Variants in CNTNAP2 observed in about 807,000 individuals in gnomAD.
The protein encoded by CNTNAP2 is contactin associated protein 2.
Under a neutral mutation model 155.2 loss-of-function variants are expected in CNTNAP2, and 98 were observed. That is an observed-to-expected ratio of 0.63 (90% CI 0.54 to 0.75). The LOEUF is 0.75. CNTNAP2 is among the 30% of genes least tolerant of loss of function. The pLI, the probability that CNTNAP2 is intolerant of heterozygous loss-of-function variation, is 0.00. For synonymous variants in CNTNAP2, 651 were observed against 631.2 expected (o/e 1.03, Z -0.47); for missense variants, 1,727 against 1,688.1 (o/e 1.02, Z -0.40).
chr7:148,102,934 G>C (rs1354584772), intron 15 of CNTNAP2, among the ~76,000 whole-genome samples: 1 of 152,132 alleles, frequency 6.6e-6, no homozygotes, highest in East Asian at 1.9e-4. Context: ...GGCATAGCTT[G>C]GTTTTATACA....
intron 1 of CNTNAP2, among the ~76,000 whole-genome samples, chr7:146,566,623 G>A (rs1798360834): frequency 6.6e-6 from 1 of 151,980 alleles, no homozygotes; most frequent in African/African-American, 2.4e-5. Flanking sequence ...CTTGAACCCG[G>A]GAGGCGGAGG....
Position 147,666,139 on chromosome 7 carries a change from A to C in CNTNAP2, c.2098+26833A>C, listed in dbSNP as rs185943531. ...AAAAGAGAAATATTACCTTTAGCAAAACAATCAGAAATGAGATATCAAAAA... is the reference window on the plus strand; with the variant it reads ...AAAAGAGAAATATTACCTTTAGCAACACAATCAGAAATGAGATATCAAAAA... On this transcript the variant is annotated intron_variant, in intron 13 of 23. Coordinates refer to ENST00000361727, the MANE Select transcript of CNTNAP2 (RefSeq NM_014141.6). Among the ~76,000 whole-genome samples, 67 of 152,318 alleles carry C rather than the reference A, an allele frequency of 4.4e-4. No individual in the cohort carries two copies. The East Asian group carries it at 9.6e-3, about 22-fold the overall frequency.
chr7:146,596,954 A>G (rs2129150660), intron 1 of CNTNAP2, among the ~76,000 whole-genome samples: 1 of 152,200 alleles, frequency 6.6e-6, no homozygotes, highest in African/African-American at 2.4e-5. Context: ...CCCACTGCCT[A>G]ATATGTAGGG....
intron 1 of CNTNAP2, among the ~76,000 whole-genome samples, chr7:146,507,436 T>C (rs1314390563): frequency 1.3e-5 from 2 of 152,212 alleles, no homozygotes; most frequent in African/African-American, 2.4e-5. Flanking sequence ...AGAAAAGCCA[T>C]CTCAGCCTCA....
chr7:147,387,913 G>A (rs1796650088), intron 9 of CNTNAP2, among the ~76,000 whole-genome samples: 1 of 151,998 alleles, frequency 6.6e-6, no homozygotes, highest in South Asian at 2.1e-4. Flanking sequence ...GATATGCCTT[G>A]CCTGAATTAA....
At chr7:147,532,987 C>T (rs1366981714) in intron 11 of CNTNAP2, among the ~76,000 whole-genome samples, 1 of 152,026 alleles carries the variant, frequency 6.6e-6, no homozygotes, top group Admixed American at 6.6e-5. Flanking sequence ...TAATATGATT[C>T]CTGAAGTAGT....
At chr7:147,232,403 C>A (rs558836174) in intron 8 of CNTNAP2, among the ~76,000 whole-genome samples, 1 of 152,132 alleles carries the variant, frequency 6.6e-6, no homozygotes, top group African/African-American at 2.4e-5. Flanking sequence ...TGGGAAATAA[C>A]AAAGCTGGAG....
intron 15 of CNTNAP2, among the ~76,000 whole-genome samples, chr7:148,107,425 T>G (rs1229814169): frequency 6.6e-6 from 1 of 152,194 alleles, no homozygotes; most frequent in Non-Finnish European, 1.5e-5. Context: ...TCATTTTGTG[T>G]TGCAGCCGTG....
At chr7:147,250,742 T>C (rs1804179275) in intron 8 of CNTNAP2, among the ~76,000 whole-genome samples, 1 of 152,106 alleles carries the variant, frequency 6.6e-6, no homozygotes, top group Non-Finnish European at 1.5e-5. Flanking sequence ...CCTTGTATCA[T>C]CTACATCACT....
intron 8 of CNTNAP2, among the ~76,000 whole-genome samples, chr7:147,155,640 C>T (rs377669055): frequency 6.6e-6 from 1 of 152,094 alleles, no homozygotes; most frequent in East Asian, 1.9e-4. Context: ...CAATATTGTA[C>T]ACAATTAAGC....
chr7:146,979,412 A>G (rs1370290132), intron 3 of CNTNAP2, among the ~76,000 whole-genome samples: 1 of 152,136 alleles, frequency 6.6e-6, no homozygotes, highest in Non-Finnish European at 1.5e-5. Context: ...TCCAGATCGC[A>G]TCTCAAATTG....
intron 13 of CNTNAP2, among the ~76,000 whole-genome samples, chr7:147,737,144 C>A (rs890581574): frequency 6.6e-6 from 1 of 152,102 alleles, no homozygotes; most frequent in Non-Finnish European, 1.5e-5. Flanking sequence ...TTTTCCCCAT[C>A]TTTGTGGTTT....
intron 3 of CNTNAP2, among the ~76,000 whole-genome samples, chr7:146,842,139 G>A (rs922013815): frequency 6.6e-6 from 1 of 151,990 alleles, no homozygotes; most frequent in South Asian, 2.1e-4. Flanking sequence ...TACTTGCCTT[G>A]GCCTCTCAAA....
intron 1 of CNTNAP2, among the ~76,000 whole-genome samples, chr7:146,300,399 G>T (rs1168431832): frequency 1.3e-5 from 2 of 152,058 alleles, no homozygotes; most frequent in Admixed American, 6.6e-5. Flanking sequence ...GGTACTCTTG[G>T]ATAAATGATT....
chr7:147,420,892 G>A (rs755068830), intron 10 of CNTNAP2, among the ~76,000 whole-genome samples: 3 of 152,060 alleles, frequency 2.0e-5, no homozygotes, highest in South Asian at 2.1e-4. Context: ...TCTAGTCCTC[G>A]GAGAATACAA....
chr7:146,528,125 T>C (rs1272628886), intron 1 of CNTNAP2, among the ~76,000 whole-genome samples: 1 of 152,146 alleles, frequency 6.6e-6, no homozygotes, highest in Non-Finnish European at 1.5e-5. Flanking sequence ...TTTACTCGGT[T>C]TGAGGTTTCT....
chr7:147,148,194 T>A (rs928698690), intron 8 of CNTNAP2, among the ~76,000 whole-genome samples: 5 of 151,392 alleles, frequency 3.3e-5, no homozygotes, highest in African/African-American at 4.9e-5. Flanking sequence ...ATCGAGACCA[T>A]CCCGGCTAAA....
intron 15 of CNTNAP2, among the ~76,000 whole-genome samples, chr7:148,037,952 G>C (rs1020328780): frequency 2.0e-5 from 3 of 152,106 alleles, no homozygotes; most frequent in African/African-American, 7.2e-5. Context: ...TTTAGGATTT[G>C]GTACTACCTG....
intron 20 of CNTNAP2, among the ~76,000 whole-genome samples, chr7:148,254,041 C>G (rs1355347333): frequency 6.6e-6 from 1 of 152,092 alleles, no homozygotes; most frequent in Non-Finnish European, 1.5e-5. Flanking sequence ...CAGTGCAGTT[C>G]AAGCCCATGT....
Sources: gnomAD v4.1 joint callset for allele counts (sites outside exome capture counted in the v4.1 genomes callset) on GRCh38, gnomAD v4.1.1 for gene constraint, MANE v1.5 for transcripts, NCBI Gene and HGNC (gene_info 2026-07-23, HGNC 2026-07-21) for gene names.